The following ADGRA3 variants were observed in gnomAD, a reference collection of about 807,000 sequenced individuals.
ADGRA3 encodes the protein adhesion G protein-coupled receptor A3, also known as G-protein coupled receptor 125.
A neutral mutation model predicts 119.8 loss-of-function variants in ADGRA3; 56 were observed. The ratio of observed to expected loss-of-function variants is 0.47; its 90% CI spans 0.38 to 0.58. The LOEUF (loss-of-function observed/expected upper bound fraction) is 0.58, where lower values mean the gene tolerates loss of function less well. Among genes scored for constraint, ADGRA3 ranks in the 20% least tolerant of loss-of-function variants. The pLI, the probability that ADGRA3 is intolerant of heterozygous loss-of-function variation, is 0.00. For missense variants in ADGRA3, 1,516 were observed against 1,649.0 expected, an observed-to-expected ratio of 0.92 and a Z score of 1.40; for synonymous variants, 607 against 623.8, an observed-to-expected ratio of 0.97 and a Z score of 0.40.
chr4:22,513,051 T>C (rs989774494), intron 1 of ADGRA3, among the ~76,000 whole-genome samples: 1 of 152,042 alleles, frequency 6.6e-6, no homozygotes, highest in Non-Finnish European at 1.5e-5. Flanking sequence ...ACTCTAACTC[T>C]TTCCCCAGTA....
At chr4:22,418,857 C>T (rs1177153675) in intron 12 of ADGRA3, among the ~76,000 whole-genome samples, 1 of 152,044 alleles carries the variant, frequency 6.6e-6, no homozygotes, top group Non-Finnish European at 1.5e-5. Context: ...GGGTGGTGGT[C>T]CCAACAGAAG....
At chr4:22,393,067 C>T (rs1241316736) in intron 16 of ADGRA3, 1 of 158,006 alleles carries the variant, frequency 6.3e-6, no homozygotes, top group Non-Finnish European at 1.4e-5. Flanking sequence ...CGCTCTGTCA[C>T]CCAGGATAGA....
At chr4:22,403,167 C>G (rs1347829101) in intron 14 of ADGRA3, among the ~76,000 whole-genome samples, 1 of 152,090 alleles carries the variant, frequency 6.6e-6, no homozygotes, top group Admixed American at 6.5e-5. Context: ...TGCATAATCA[C>G]TAGCTGATCA....
At chr4:22,392,715 T>C in intron 16 of ADGRA3, 25 bp from the exon 17 acceptor site, 1 of 1,581,500 alleles carries the variant, frequency 6.3e-7, no homozygotes, top group Non-Finnish European at 8.6e-7. Flanking sequence ...AAAGAATAAA[T>C]AAAAGAAAAA....
At chr4:22,503,746 G>T (rs1468500896) in intron 1 of ADGRA3, among the ~76,000 whole-genome samples, 1 of 152,040 alleles carries the variant, frequency 6.6e-6, no homozygotes, top group East Asian at 1.9e-4. Flanking sequence ...TTTAATTCAC[G>T]AACATTTACC....
chr4:22,389,584 G>A, intron 17 of ADGRA3, among the ~76,000 whole-genome samples: 1 of 151,618 alleles, frequency 6.6e-6, no homozygotes. Context: ...CACAAGAAAT[G>A]TAATGACATA....
At chr4:22,397,664 G>A (rs1370713163) in intron 16 of ADGRA3, among the ~76,000 whole-genome samples, 1 of 152,112 alleles carries the variant, frequency 6.6e-6, no homozygotes, top group Non-Finnish European at 1.5e-5. Context: ...TGAATCATGA[G>A]GGTGGGTCTT....
rs538455563 is a variant in ADGRA3, at chr4:22,391,068, C to T, written c.2627+1477G>A. Among the ~76,000 whole-genome samples the T allele has an allele frequency of 1.6e-4, 25 of 152,232 alleles. No individual in the cohort carries two copies. The South Asian group carries it at 2.3e-3, about 14-fold the overall frequency. On this transcript the variant is annotated intron_variant, in intron 17 of 18. Transcript: ENST00000334304. ...CTTTCTGCAGCCAAAAATCCAGTGACTTTTTCCACGGCCCATCTATTAAAC... is the reference window on the plus strand; with the variant it reads ...CTTTCTGCAGCCAAAAATCCAGTGATTTTTTCCACGGCCCATCTATTAAAC...
At chr4:22,401,218 A>G (rs1463883259) in intron 16 of ADGRA3, among the ~76,000 whole-genome samples, 1 of 152,222 alleles carries the variant, frequency 6.6e-6, no homozygotes, top group African/African-American at 2.4e-5. Context: ...TCCCAATGAT[A>G]AAGGGATGAG....
chr4:22,430,484 C>A (rs1018855673), intron 10 of ADGRA3, among the ~76,000 whole-genome samples: 1 of 152,098 alleles, frequency 6.6e-6, no homozygotes, highest in Non-Finnish European at 1.5e-5. Context: ...TGCCCCTGCT[C>A]TAGAGATTTG....
intron 11 of ADGRA3, among the ~76,000 whole-genome samples, chr4:22,423,787 T>G (rs931005604): frequency 6.6e-6 from 1 of 152,220 alleles, no homozygotes; most frequent in Non-Finnish European, 1.5e-5. Context: ...TAGGCTCAGA[T>G]GGACTATGGG....
At chr4:22,410,842 C>T (rs562279947) in intron 14 of ADGRA3, among the ~76,000 whole-genome samples, 39 of 151,728 alleles carry the variant, frequency 2.6e-4, no homozygotes, top group African/African-American at 8.5e-4. Context: ...CTAGATGGCA[C>T]AATTACATTT....
rs760181191 is a variant in ADGRA3 at position 22,389,129 on chromosome 4, T to C, written c.2682A>G (p.Ala894=). 70 of 1,614,006 alleles carry C rather than the reference T, an allele frequency of 4.3e-5. No homozygotes were observed. Among genetic ancestry groups the C allele is most frequent in the Admixed American group, 1.7e-5 (1 of 60,008 alleles). Reference sequence around the variant, plus strand: ...GACTGCCGTAATTCTTAATGTTCGCTGCTGCAGTTATGCCGCAAACAATGA... The same window carrying C: ...GACTGCCGTAATTCTTAATGTTCGCCGCTGCAGTTATGCCGCAAACAATGA... ...IPIIVCGITA[A]ANIKNYGSRP... is the part of the protein sequence containing the mutation. Residue 894 remains alanine, a synonymous_variant, in exon 18 of 19, where the codon GCA becomes GCG. Coordinates refer to ENST00000334304, the MANE Select transcript of ADGRA3 (RefSeq NM_145290.4).
chr4:22,495,888 G>A (rs1174337692), intron 1 of ADGRA3, among the ~76,000 whole-genome samples: 1 of 151,118 alleles, frequency 6.6e-6, no homozygotes. Context: ...CAGCCTGGGG[G>A]ACAGAGCAAG....
At chr4:22,459,596 C>T (rs1717369605) in intron 3 of ADGRA3, among the ~76,000 whole-genome samples, 1 of 151,864 alleles carries the variant, frequency 6.6e-6, no homozygotes, top group Admixed American at 6.6e-5. Flanking sequence ...AGCAGCCATA[C>T]CCAGTGTTAT....
intron 10 of ADGRA3, among the ~76,000 whole-genome samples, chr4:22,431,371 G>A (rs982016279): frequency 3.0e-4 from 36 of 120,246 alleles, no homozygotes; most frequent in African/African-American, 1.0e-3. Flanking sequence ...AAGCACCTGG[G>A]AGGGAGCTGT....
chr4:22,426,798 G>A (rs1715954000), intron 10 of ADGRA3, among the ~76,000 whole-genome samples: 1 of 152,180 alleles, frequency 6.6e-6, no homozygotes, highest in Admixed American at 6.5e-5. Context: ...AGAAGAGCCT[G>A]TAATCAAGCT....
intron 8 of ADGRA3, 70 bp downstream of exon 8, chr4:22,438,186 T>A: frequency 7.6e-7 from 1 of 1,321,030 alleles, no homozygotes; most frequent in Non-Finnish European, 1.1e-6. Context: ...AGGAAACCAA[T>A]AATGTGTCTT....
rs1715277328 is a variant in ADGRA3, at chr4:22,413,088, AAAAC to A, written c.2232+90_2232+93del. 9.2e-5 allele frequency: 89 copies of A among 971,028 alleles called. 3 individuals carry two copies. Among genetic ancestry groups the A allele is most frequent in the Admixed American group, 3.5e-4 (15 of 43,212 alleles). 60.2% of individuals were successfully genotyped at this position (971,028 alleles called of 1,614,324 possible). On this transcript the variant is annotated intron_variant, in intron 14 of 18. Coordinates refer to ENST00000334304, the MANE Select transcript of ADGRA3 (RefSeq NM_145290.4). ...TTATGTTAAAAGTAAAAAAAAAAAAAAAACAAAAAACAAAAAAACACTTCATTTG... is the reference window on the plus strand; with the variant it reads ...TTATGTTAAAAGTAAAAAAAAAAAAAAAAAAACAAAAAAACACTTCATTTG...
Sources: allele counts gnomAD v4.1 joint callset (sites outside exome capture counted in the v4.1 genomes callset), GRCh38; gene constraint gnomAD v4.1.1; transcripts MANE v1.5; gene names NCBI Gene and HGNC (gene_info 2026-07-23, HGNC 2026-07-21).